XYLB: variants seen among roughly 807,000 people sequenced by gnomAD.
The protein encoded by XYLB is xylulose kinase.
A neutral mutation model predicts 78.7 loss-of-function variants in XYLB; 62 were observed. That is an observed-to-expected ratio of 0.79 (90% confidence interval 0.64 to 0.97). The LOEUF is 0.97. XYLB is among the 50% of genes least tolerant of loss of function. XYLB has a pLI of 0.00. For missense variants in XYLB, 687 were observed against 676.8 expected (o/e 1.02, Z -0.17); for synonymous variants, 245 against 247.4 (o/e 0.99, Z 0.09).
chr3:38,393,631 C>T (rs1424829092), intron 15 of XYLB, among the ~76,000 whole-genome samples: 6 of 152,136 alleles, frequency 3.9e-5, no homozygotes, highest in East Asian at 1.9e-4. Context: ...TAAAAGTCTG[C>T]GATCAAGGTG....
the XYLB span, among the ~76,000 whole-genome samples, chr3:38,430,329 G>C: frequency 6.6e-6 from 1 of 152,298 alleles, no homozygotes; most frequent in African/African-American, 2.4e-5. Context: ...TTTTTCATGG[G>C]TCTGTTGGCT....
At chr3:38,372,160 C>G (rs1388539280) in intron 9 of XYLB, among the ~76,000 whole-genome samples, 2 of 152,134 alleles carry the variant, frequency 1.3e-5, no homozygotes, top group African/African-American at 4.8e-5. Flanking sequence ...GATAGCCCTC[C>G]CTGCACTCTG....
Position 38,397,067 on chromosome 3 carries a change from T to C in XYLB, c.1351-5T>C. The C allele has an allele frequency of 6.2e-7, 1 of 1,614,168 alleles. No homozygotes were observed. The highest frequency in any genetic ancestry group is 2.2e-5 in the East Asian group (1 of 44,870). ...ACCACAGTAGAACCTCTGTGTCCTT[T>C]TCAGGTGCTTGCAGATGTGTTTGAT... On this transcript the variant is annotated splice_region_variant and splice_polypyrimidine_tract_variant and intron_variant, in intron 16 of 18. Coordinates refer to ENST00000207870, the MANE Select transcript of XYLB (RefSeq NM_005108.4).
chr3:38,374,257 G>C (rs1706727567), intron 10 of XYLB, among the ~76,000 whole-genome samples: 1 of 152,116 alleles, frequency 6.6e-6, no homozygotes, highest in Non-Finnish European at 1.5e-5. Context: ...CAGCGGCCCT[G>C]CTAACAGAGA....
rs910337201 is a variant in XYLB, at chr3:38,367,581, C to G, written c.574-604C>G. Among the ~76,000 whole-genome samples, 4 of 152,304 alleles carry G rather than the reference C, an allele frequency of 2.6e-5. No homozygotes were observed. In the South Asian group the frequency reaches 6.2e-4, roughly 24 times the overall value. On this transcript the variant is annotated intron_variant, in intron 7 of 18. Transcript: ENST00000207870. The stretch of plus-strand genomic sequence containing the variant: ...GAGGGGTGAAAACCCTCCCTAAATT[C>G]TGTGTGTGGAACGAAGTTTGCCTGA...
intron 15 of XYLB, among the ~76,000 whole-genome samples, chr3:38,394,652 G>A (rs1707794175): frequency 1.3e-5 from 2 of 152,194 alleles, no homozygotes; most frequent in South Asian, 4.1e-4. Flanking sequence ...AAATTTAGCA[G>A]CTTAAAACAG....
chr3:38,378,724 G>T (rs1706992605), intron 14 of XYLB, among the ~76,000 whole-genome samples: 1 of 151,392 alleles, frequency 6.6e-6, no homozygotes, highest in Non-Finnish European at 1.5e-5. Context: ...AGGTGCCAGA[G>T]AAGCAGGAGT....
the XYLB span, among the ~76,000 whole-genome samples, chr3:38,444,467 G>A: frequency 6.6e-6 from 1 of 152,196 alleles, no homozygotes; most frequent in East Asian, 1.9e-4. Flanking sequence ...AAAATTGCAA[G>A]CTTTGCATAG....
Position 38,360,349 on chromosome 3 carries a change from G to A in XYLB, c.151G>A (p.Gly51Ser), listed in dbSNP as rs149466325. The A allele has an allele frequency of 1.5e-4, 249 of 1,613,760 alleles. No homozygotes were observed. Among genetic ancestry groups the A allele is most frequent in the Non-Finnish European group, 1.9e-4 (229 of 1,179,870 alleles). Reference protein sequence around the residue: ...RDLPEFGTQGGVHVHKDGLTV... With the variant: ...RDLPEFGTQGSVHVHKDGLTV... Reference sequence around the variant, plus strand: ...CTGTTGTTCTTGCAGGACTCAGGGTGGTGTTCATGTGCACAAGGATGGGCT... The same window carrying A: ...CTGTTGTTCTTGCAGGACTCAGGGTAGTGTTCATGTGCACAAGGATGGGCT... Residue 51 changes from glycine (G) to serine (S), a missense_variant, in exon 3 of 19, where the codon GGT becomes AGT. Transcript: ENST00000207870.
chr3:38,378,282 C>CTTCA (rs978362465), intron 14 of XYLB, among the ~76,000 whole-genome samples: 41 of 152,250 alleles, frequency 2.7e-4, no homozygotes, highest in Non-Finnish European at 1.6e-4. Context: ...AAGTAGTGTT[C>CTTCA]TTCATTCATT....
intron 14 of XYLB, among the ~76,000 whole-genome samples, chr3:38,377,330 A>G (rs1236872754): frequency 6.6e-6 from 1 of 151,952 alleles, no homozygotes; most frequent in African/African-American, 2.4e-5. Context: ...GAGATCATGA[A>G]TTTCCTCCTG....
chr3:38,379,117 G>A, intron 14 of XYLB, 129 bp from the exon 15 acceptor site: 2 of 862,658 alleles, frequency 2.3e-6, no homozygotes. Context: ...AAAGATAGTG[G>A]TTAAAGAGCC....
At chr3:38,404,094 C>G (rs1708221470) in intron 18 of XYLB, among the ~76,000 whole-genome samples, 1 of 152,178 alleles carries the variant, frequency 6.6e-6, no homozygotes, top group Admixed American at 6.5e-5. Flanking sequence ...TGTTTTCTCC[C>G]TTAGCTCAGC....
intron 18 of XYLB, among the ~76,000 whole-genome samples, chr3:38,404,778 A>G (rs968904915): frequency 1.3e-5 from 2 of 152,206 alleles, no homozygotes; most frequent in African/African-American, 4.8e-5. Flanking sequence ...GTTAATCAAG[A>G]TTGCACCACT....
At chr3:38,380,833 A>G (rs1315826943) in intron 15 of XYLB, among the ~76,000 whole-genome samples, 1 of 152,260 alleles carries the variant, frequency 6.6e-6, no homozygotes, top group Non-Finnish European at 1.5e-5. Flanking sequence ...TTTGTACAAC[A>G]GGATACTACA....
chr3:38,395,639 A>T, intron 16 of XYLB, 76 bp downstream of exon 16: 1 of 1,483,904 alleles, frequency 6.7e-7, no homozygotes, highest in Non-Finnish European at 9.4e-7. Flanking sequence ...ACTGGATAGG[A>T]AGGACAGCCT....
chr3:38,430,301 A>ATGAG, the XYLB span, among the ~76,000 whole-genome samples: 1 of 152,198 alleles, frequency 6.6e-6, no homozygotes, highest in African/African-American at 2.4e-5. Context: ...TTATCTGATG[A>ATGAG]CCAGTGATGA....
At chr3:38,405,551 G>A (rs1199735480) in intron 18 of XYLB, among the ~76,000 whole-genome samples, 5 of 152,174 alleles carry the variant, frequency 3.3e-5, no homozygotes, top group Non-Finnish European at 5.9e-5. Flanking sequence ...TGGGTGCAGT[G>A]CACCGTGCGC....
intron 3 of XYLB, among the ~76,000 whole-genome samples, chr3:38,362,389 C>T (rs187977463): frequency 1.4e-4 from 22 of 152,266 alleles, no homozygotes; most frequent in African/African-American, 5.1e-4. Context: ...AGGCTCATGC[C>T]ACCACACCCA....
Sources: gnomAD v4.1 joint callset for allele counts (sites outside exome capture counted in the v4.1 genomes callset) on GRCh38, gnomAD v4.1.1 for gene constraint, MANE v1.5 for transcripts, NCBI Gene and HGNC (gene_info 2026-07-23, HGNC 2026-07-21) for gene names.